Variants in ATG7 observed in about 807,000 individuals in gnomAD.
ATG7 encodes ubiquitin-like modifier-activating enzyme ATG7.
In ATG7, 70 loss-of-function variants were observed where a neutral mutation model predicts 82.4. That is an observed-to-expected ratio of 0.85 (90% CI 0.70 to 1.04). ATG7 has a LOEUF of 1.04. Among genes scored for constraint, ATG7 ranks in the 50% least tolerant of loss-of-function variants. The probability of loss-of-function intolerance (pLI) is 0.00; values close to 1 mark genes in which losing one functional copy is unlikely to be tolerated. For synonymous variants in ATG7, 287 were observed against 313.0 expected (o/e 0.92, Z 0.88); for missense variants, 792 against 864.3 (o/e 0.92, Z 1.05).
intron 19 of ATG7, among the ~76,000 whole-genome samples, chr3:11,407,903 A>T (rs1262982587): frequency 6.6e-6 from 1 of 152,082 alleles, no homozygotes; most frequent in Non-Finnish European, 1.5e-5. Context: ...GCTGCCACAA[A>T]GTTCTCTGAC....
intron 9 of ATG7, among the ~76,000 whole-genome samples, chr3:11,324,401 A>G (rs1237235166): frequency 6.6e-6 from 1 of 152,236 alleles, no homozygotes; most frequent in Non-Finnish European, 1.5e-5. Context: ...TGAATCATCA[A>G]AGAAAGATTA....
chr3:11,545,841 T>C (rs551861735), intron 20 of ATG7, among the ~76,000 whole-genome samples: 2 of 152,332 alleles, frequency 1.3e-5, no homozygotes, highest in Non-Finnish European at 2.9e-5. Flanking sequence ...AGCAGCCTCC[T>C]GCAGAAGAAG....
intron 20 of ATG7, among the ~76,000 whole-genome samples, chr3:11,430,923 A>C (rs939409080): frequency 6.6e-6 from 1 of 152,220 alleles, no homozygotes; most frequent in Admixed American, 6.5e-5. Flanking sequence ...GCAGAGAAAG[A>C]GTAGAGAAGG....
At chr3:11,291,182 A>G (rs1309475481) in intron 3 of ATG7, among the ~76,000 whole-genome samples, 2 of 152,262 alleles carry the variant, frequency 1.3e-5, no homozygotes, top group Admixed American at 6.5e-5. Flanking sequence ...TGACTGACAT[A>G]TGTAGGGACT....
rs71055868 is a variant in ATG7, at chr3:11,411,619, C to CAA, written c.1957-15157_1957-15156dup. Among the ~76,000 whole-genome samples the CAA allele has an allele frequency of 8.5e-4, 61 of 71,748 alleles. 3 individuals carry two copies. The highest frequency in any genetic ancestry group is 1.0e-3 in the African/African-American group (22 of 21,784). 47.1% of individuals were successfully genotyped at this position (71,748 alleles called of 152,430 possible). ...TGGTGACACAGCAAGACTCTGTCTC[C>CAA]AAAAAAAAAAAAAAAAAAAAAAAAA... is the stretch of plus-strand genomic sequence containing the variant. On this transcript the variant is annotated intron_variant, in intron 19 of 20. Coordinates refer to ENST00000693202, the MANE Select transcript of ATG7 (RefSeq NM_001349232.2).
chr3:11,488,913 C>T (rs1442670209), intron 20 of ATG7, among the ~76,000 whole-genome samples: 1 of 152,116 alleles, frequency 6.6e-6, no homozygotes, highest in African/African-American at 2.4e-5. Flanking sequence ...TGATGCTGGC[C>T]TCATAAAATG....
chr3:11,377,452 G>A (rs924170491), intron 18 of ATG7, among the ~76,000 whole-genome samples: 14 of 152,106 alleles, frequency 9.2e-5, no homozygotes, highest in African/African-American at 2.9e-4. Flanking sequence ...TGGTGGTGTT[G>A]TTGTTTTTCT....
intron 20 of ATG7, among the ~76,000 whole-genome samples, chr3:11,455,468 A>G (rs757135357): frequency 1.3e-5 from 2 of 152,180 alleles, no homozygotes; most frequent in Non-Finnish European, 2.9e-5. Context: ...CCTTCAGAGT[A>G]GGGCATCTGA....
chr3:11,358,846 A>G (rs1456635562), intron 15 of ATG7, among the ~76,000 whole-genome samples: 3 of 152,216 alleles, frequency 2.0e-5, no homozygotes, highest in African/African-American at 4.8e-5. Context: ...CTCTACACTG[A>G]AAGATATACT....
chr3:11,533,371 G>A (rs1301501252), intron 20 of ATG7, among the ~76,000 whole-genome samples: 1 of 151,904 alleles, frequency 6.6e-6, no homozygotes, highest in Non-Finnish European at 1.5e-5. Context: ...AGTCCAGCTT[G>A]CAATAATTTC....
chr3:11,564,906 G>C, the ATG7 span: 1 of 1,605,988 alleles, frequency 6.2e-7, no homozygotes, highest in East Asian at 2.3e-5. Context: ...GCTGGGGAGG[G>C]AGGTGTACAG....
intron 9 of ATG7, among the ~76,000 whole-genome samples, chr3:11,322,921 G>A (rs1314859092): frequency 6.6e-6 from 1 of 152,118 alleles, no homozygotes; most frequent in Non-Finnish European, 1.5e-5. Flanking sequence ...CAACATAGCA[G>A]GGCTCTGTCT....
In ATG7 at chr3:11,435,724, G is replaced by A. The variant is rs555816346; in HGVS notation, c.2079+8798G>A. On this transcript the variant is annotated intron_variant, in intron 20 of 20. Transcript: ENST00000693202. ...TGGGTTATTTACTTCATTGACCTTC[G>A]TTTCCATCATTTTGTAGGATGTGAT... Among the ~76,000 whole-genome samples, 396 of 152,126 alleles carry A rather than the reference G, an allele frequency of 2.6e-3. 6 individuals are homozygous for A. Among genetic ancestry groups the A allele is most frequent in the African/African-American group, 2.0e-3 (84 of 41,486 alleles).
chr3:11,447,436 C>T (rs2084675102), intron 20 of ATG7, among the ~76,000 whole-genome samples: 2 of 151,580 alleles, frequency 1.3e-5, no homozygotes, highest in South Asian at 4.2e-4. Flanking sequence ...CATTGCACTC[C>T]AGCCCGGGCA....
At chr3:11,444,802 C>T (rs563038219) in intron 20 of ATG7, among the ~76,000 whole-genome samples, 2 of 152,254 alleles carry the variant, frequency 1.3e-5, no homozygotes, top group South Asian at 4.1e-4. Context: ...AGAAAATTTT[C>T]TCAAACTATG....
chr3:11,390,474 C>T (rs1039080267), intron 19 of ATG7, among the ~76,000 whole-genome samples: 2 of 152,224 alleles, frequency 1.3e-5, no homozygotes, highest in African/African-American at 4.8e-5. Context: ...AGACCTATGT[C>T]ATCCTATCCC....
At chr3:11,561,134 C>CG (rs374477829), downstream of ATG7, among the ~76,000 whole-genome samples, 26 of 151,836 alleles carry the variant, frequency 1.7e-4, no homozygotes, top group African/African-American at 5.8e-4. Flanking sequence ...GACCCCCCCC[C>CG]AGGGTCCTCC....
Position 11,290,521 on chromosome 3 carries a change from C to T in ATG7, c.-11+8083C>T, listed in dbSNP as rs1000488026. 15 of 359,370 alleles carry T rather than the reference C, an allele frequency of 4.2e-5. No homozygotes were observed. The East Asian group carries it at 1.1e-3, about 26-fold the overall frequency. The allele number at this position is 359,370 out of a possible 1,614,324, so 22.3% of individuals were successfully genotyped here. On this transcript the variant is annotated intron_variant, in intron 3 of 20. Coordinates refer to ENST00000693202, the MANE Select transcript of ATG7 (RefSeq NM_001349232.2). ...TTTTACTTTTGGTAGTGGATCTTGG[C>T]CTTCTCCTTCCTCTTCTCCTCCAGG...
chr3:11,515,122 A>G (rs2092227194), intron 20 of ATG7, among the ~76,000 whole-genome samples: 1 of 152,038 alleles, frequency 6.6e-6, no homozygotes, highest in African/African-American at 2.4e-5. Flanking sequence ...TACAGGCATG[A>G]GCCACCGCGC....
Sources: allele counts gnomAD v4.1 joint callset (sites outside exome capture counted in the v4.1 genomes callset), GRCh38; gene constraint gnomAD v4.1.1; transcripts MANE v1.5; gene names NCBI Gene and HGNC (gene_info 2026-07-23, HGNC 2026-07-21).